SDCCAG8: variants seen among roughly 807,000 people sequenced by gnomAD.
SDCCAG8 encodes the protein SHH signaling and ciliogenesis regulator SDCCAG8, also known as serologically defined colon cancer antigen 8.
A neutral mutation model predicts 101.8 loss-of-function variants in SDCCAG8; 74 were observed. That is an observed-to-expected ratio of 0.73 (90% CI 0.60 to 0.88). The LOEUF is 0.88. Ranked by LOEUF, SDCCAG8 falls within the 40% of genes least tolerant of loss-of-function variation. SDCCAG8 has a pLI of 0.00. For synonymous variants in SDCCAG8, 281 were observed against 292.9 expected (o/e 0.96, Z 0.41); for missense variants, 787 against 822.6 (o/e 0.96, Z 0.53).
chr1:243,339,280 T>C (rs1209187512), intron 10 of SDCCAG8, among the ~76,000 whole-genome samples: 1 of 152,206 alleles, frequency 6.6e-6, no homozygotes, highest in Non-Finnish European at 1.5e-5. Flanking sequence ...CCATACAATG[T>C]TGTTTACCAT....
intron 10 of SDCCAG8, among the ~76,000 whole-genome samples, chr1:243,333,653 A>G (rs370609900): frequency 1.3e-5 from 2 of 152,178 alleles, no homozygotes; most frequent in East Asian, 1.9e-4. Flanking sequence ...TACCATTGCT[A>G]TGTTCACTGA....
At chr1:243,429,967 GATTA>G (rs1279561480) in intron 16 of SDCCAG8, among the ~76,000 whole-genome samples, 1 of 151,978 alleles carries the variant, frequency 6.6e-6, no homozygotes, top group African/African-American at 2.4e-5. Flanking sequence ...CGTCCTCTGG[GATTA>G]CAGGCATGAG....
At position 243,291,754 on chromosome 1, in the gene SDCCAG8, C is replaced by A. The variant is rs563311257; in HGVS notation, c.547-1337C>A. Among the ~76,000 whole-genome samples, 24 of 152,232 alleles carry A rather than the reference C, an allele frequency of 1.6e-4. No homozygotes were observed. The South Asian group carries it at 5.0e-3, about 32-fold the overall frequency. Reference sequence around the variant, plus strand: ...TCTCTGTAGATACCAACTAGGTGTCCAGTGATTCAATTCAATTCTGACACT... The same window carrying A: ...TCTCTGTAGATACCAACTAGGTGTCAAGTGATTCAATTCAATTCTGACACT... On this transcript the variant is annotated intron_variant, in intron 5 of 17. Coordinates refer to ENST00000366541, the MANE Select transcript of SDCCAG8 (RefSeq NM_006642.5).
intron 4 of SDCCAG8, among the ~76,000 whole-genome samples, chr1:243,280,614 G>A (rs1020070740): frequency 9.2e-5 from 14 of 151,954 alleles, no homozygotes; most frequent in Non-Finnish European, 1.6e-4. Context: ...CTTTTTATCA[G>A]TTGTATTTTA....
intron 9 of SDCCAG8, among the ~76,000 whole-genome samples, chr1:243,320,224 T>G (rs2073637785): frequency 6.6e-6 from 1 of 152,186 alleles, no homozygotes; most frequent in Non-Finnish European, 1.5e-5. Flanking sequence ...TTGAATTCTT[T>G]CCCTCATTAA....
chr1:243,470,229 G>C (rs944665738), intron 16 of SDCCAG8, among the ~76,000 whole-genome samples: 1 of 152,140 alleles, frequency 6.6e-6, no homozygotes, highest in African/African-American at 2.4e-5. Context: ...CTGCCCCGAC[G>C]GGGCTGGGGC....
At chr1:243,355,337 TC>T (rs2076324479) in intron 12 of SDCCAG8, among the ~76,000 whole-genome samples, 1 of 152,062 alleles carries the variant, frequency 6.6e-6, no homozygotes, top group Non-Finnish European at 1.5e-5. Flanking sequence ...TCTCTCTCTC[TC>T]TCTCTGTCCC....
At chr1:243,410,312 A>T (rs1401789259) in intron 13 of SDCCAG8, among the ~76,000 whole-genome samples, 2 of 152,212 alleles carry the variant, frequency 1.3e-5, no homozygotes, top group Non-Finnish European at 2.9e-5. Context: ...AAGCTATCAA[A>T]GCTAATAGCA....
chr1:243,331,486 G>A (rs1474266484), intron 10 of SDCCAG8, among the ~76,000 whole-genome samples: 1 of 152,216 alleles, frequency 6.6e-6, no homozygotes, highest in African/African-American at 2.4e-5. Flanking sequence ...TGTGTGCAAA[G>A]CAATGTGGAG....
chr1:243,382,327 G>A (rs773637223), intron 13 of SDCCAG8, among the ~76,000 whole-genome samples: 2 of 152,120 alleles, frequency 1.3e-5, no homozygotes, highest in Non-Finnish European at 2.9e-5. Flanking sequence ...GTTAGCCCAA[G>A]GTCAGCAATT....
intron 16 of SDCCAG8, among the ~76,000 whole-genome samples, chr1:243,486,570 G>T (rs1217157067): frequency 1.3e-5 from 2 of 152,250 alleles, no homozygotes; most frequent in Admixed American, 1.3e-4. Flanking sequence ...TAGGAGGAAG[G>T]TCTAGGCCAG....
At chr1:243,262,616 T>A (rs553865192) in intron 1 of SDCCAG8, among the ~76,000 whole-genome samples, 1 of 152,332 alleles carries the variant, frequency 6.6e-6, no homozygotes, top group South Asian at 2.1e-4. Flanking sequence ...GTTAGGAGAT[T>A]GTAGGGGTAC....
chr1:243,274,642 G>T lies in SDCCAG8; in HGVS notation c.406G>T (p.Val136Phe). Residue 136 changes from valine (V) to phenylalanine (F), a missense_variant, in exon 4 of 18, where the codon GTT (valine) becomes TTT (phenylalanine). By Grantham distance (50) the Val-to-Phe change is conservative. Coordinates refer to ENST00000366541, the MANE Select transcript of SDCCAG8 (RefSeq NM_006642.5). ...ATATATTCATCATTTAGAGGCAGAA[G>T]TTAAGTTCTGCAAGGTAAGTTTCTC... ...SQYIHHLEAE[V>F]KFCKEELSGM... 1 of 1,580,850 alleles carries T rather than the reference G, an allele frequency of 6.3e-7. No homozygotes were observed. The highest frequency in any genetic ancestry group is 1.3e-5 in the African/African-American group (1 of 74,356).
intron 9 of SDCCAG8, 113 bp downstream of exon 9, chr1:243,317,006 G>A (rs1048775652): frequency 9.0e-7 from 1 of 1,106,442 alleles, no homozygotes; most frequent in Non-Finnish European, 1.3e-6. Context: ...AACACACAAA[G>A]TGAATTATCA....
chr1:243,282,138 C>T (rs2069111049), intron 4 of SDCCAG8, among the ~76,000 whole-genome samples: 2 of 152,192 alleles, frequency 1.3e-5, no homozygotes, highest in African/African-American at 4.8e-5. Flanking sequence ...TGAGCCACCA[C>T]AACCAGCTAA....
chr1:243,309,890 A>T (rs571004059), intron 8 of SDCCAG8, among the ~76,000 whole-genome samples: 106 of 151,888 alleles, frequency 7.0e-4, no homozygotes, highest in Non-Finnish European at 1.3e-3. Context: ...TTTGAGACGG[A>T]GTCTCTCTCT....
At chr1:243,315,426 A>G (rs989595485) in intron 8 of SDCCAG8, among the ~76,000 whole-genome samples, 5 of 152,232 alleles carry the variant, frequency 3.3e-5, no homozygotes, top group South Asian at 4.1e-4. Flanking sequence ...CCTTGGAAGA[A>G]AAATTATTTT....
intron 9 of SDCCAG8, chr1:243,318,188 A>T (rs2073428344): frequency 2.5e-6 from 1 of 403,654 alleles, no homozygotes; most frequent in Admixed American, 2.8e-5. Flanking sequence ...AAAGAATGAG[A>T]TCCGATCTTT....
At position 243,425,324 on chromosome 1, in the gene SDCCAG8, T is replaced by A. The variant is rs76906781; in HGVS notation, c.1854-1103T>A. 3.9e-3 allele frequency among the ~76,000 whole-genome samples: 599 copies of A among 152,272 alleles called. 5 individuals are homozygous for A. The highest frequency in any genetic ancestry group is 0.014 in the African/African-American group (590 of 41,580). ...CAATCAGGGCAAGCTTCCTTTTGGA[T>A]GACATTTGAACCAAGATGAAAACAA... On this transcript the variant is annotated intron_variant, in intron 15 of 17. Coordinates refer to ENST00000366541, the MANE Select transcript of SDCCAG8 (RefSeq NM_006642.5).
Sources: gnomAD v4.1 joint callset for allele counts (sites outside exome capture counted in the v4.1 genomes callset) on GRCh38, gnomAD v4.1.1 for gene constraint, MANE v1.5 for transcripts, NCBI Gene and HGNC (gene_info 2026-07-23, HGNC 2026-07-21) for gene names.